Variants in SMARCC1 observed in about 807,000 individuals in gnomAD.
SMARCC1 encodes SWI/SNF complex subunit SMARCC1.
In SMARCC1, 43 loss-of-function variants were observed where a neutral mutation model predicts 147.4. The observed-to-expected ratio is 0.29, with a 90% CI of 0.23 to 0.38. SMARCC1 has a LOEUF of 0.38. SMARCC1 is among the 10% of genes least tolerant of loss of function. The pLI is 1.00. For synonymous variants in SMARCC1, 495 were observed against 484.4 expected (o/e 1.02, Z -0.29); for missense variants, 1,119 against 1,381.1 (o/e 0.81, Z 3.01).
At chr3:47,641,261 T>C (rs981937666) in intron 21 of SMARCC1, among the ~76,000 whole-genome samples, 1 of 152,082 alleles carries the variant, frequency 6.6e-6, no homozygotes, top group Non-Finnish European at 1.5e-5. Flanking sequence ...CCAAGATGGG[T>C]GAATCACTTG....
chr3:47,678,965 C>T (rs1167361728), intron 15 of SMARCC1, among the ~76,000 whole-genome samples: 5 of 152,046 alleles, frequency 3.3e-5, no homozygotes, highest in Non-Finnish European at 5.9e-5. Flanking sequence ...TAAGGGAGAT[C>T]ACGGCGGGGC....
At chr3:47,673,395 A>AGAGGGGGG (rs2033527541) in intron 18 of SMARCC1, among the ~76,000 whole-genome samples, 1 of 15,878 alleles carries the variant, frequency 6.3e-5, no homozygotes, top group African/African-American at 1.7e-4. Context: ...CAAAAAAAAA[A>AGAGGGGGG]GGGTGGGGGG....
At chr3:47,709,077 A>G (rs1043970539) in intron 9 of SMARCC1, among the ~76,000 whole-genome samples, 7 of 152,204 alleles carry the variant, frequency 4.6e-5, no homozygotes, top group African/African-American at 1.7e-4. Flanking sequence ...CCTGGCCAAC[A>G]TAGTGAAACT....
At chr3:47,752,106 A>T (rs1259906068) in intron 2 of SMARCC1, among the ~76,000 whole-genome samples, 3 of 152,016 alleles carry the variant, frequency 2.0e-5, no homozygotes, top group East Asian at 1.9e-4. Context: ...AACAACAACA[A>T]ACCTCTACAG....
At position 47,658,164 on chromosome 3, in the gene SMARCC1, T is replaced by C. The variant is rs1007109954; in HGVS notation, c.2320+3130A>G. Among the ~76,000 whole-genome samples the C allele has an allele frequency of 3.9e-5, 6 of 152,164 alleles. No homozygotes were observed. In the South Asian group the frequency reaches 1.2e-3, roughly 31 times the overall value. ...AAGAAAAGCAAGTGGATGAAATTACTATAATCAGTAATGAAAATGAGGACA... is the reference window on the plus strand; with the variant it reads ...AAGAAAAGCAAGTGGATGAAATTACCATAATCAGTAATGAAAATGAGGACA... On this transcript the variant is annotated intron_variant, in intron 21 of 27. Transcript: ENST00000254480.
At chr3:47,677,096 A>T (rs1187545488) in intron 16 of SMARCC1, among the ~76,000 whole-genome samples, 1 of 152,070 alleles carries the variant, frequency 6.6e-6, no homozygotes, top group Non-Finnish European at 1.5e-5. Context: ...TACACACATT[A>T]AAAAAATCCG....
intron 11 of SMARCC1, among the ~76,000 whole-genome samples, chr3:47,700,508 GTTGTT>G (rs1559648714): frequency 1.3e-5 from 2 of 151,994 alleles, no homozygotes; most frequent in African/African-American, 4.8e-5. Context: ...AACATTTTGG[GTTGTT>G]TTTTGTTTTT....
chr3:47,643,303 G>A (rs905630810), intron 21 of SMARCC1, among the ~76,000 whole-genome samples: 1 of 152,180 alleles, frequency 6.6e-6, no homozygotes, highest in Non-Finnish European at 1.5e-5. Flanking sequence ...ATGCATCTAA[G>A]GGAAATCCTG....
At chr3:47,618,481 G>C (rs1172126878) in intron 25 of SMARCC1, among the ~76,000 whole-genome samples, 1 of 151,852 alleles carries the variant, frequency 6.6e-6, no homozygotes, top group East Asian at 1.9e-4. Flanking sequence ...CCAGGAGTTT[G>C]TGGCTGCAGT....
At chr3:47,714,526 G>A in intron 7 of SMARCC1, 36 bp from the exon 8 acceptor site, 1 of 1,033,756 alleles carries the variant, frequency 9.7e-7, no homozygotes, top group Non-Finnish European at 1.5e-6. Context: ...ACAAATTAGA[G>A]TCAAAGGTAA....
intron 24 of SMARCC1, among the ~76,000 whole-genome samples, chr3:47,624,559 A>C (rs1030347695): frequency 1.3e-5 from 2 of 152,212 alleles, no homozygotes; most frequent in African/African-American, 4.8e-5. Flanking sequence ...CCTATATAGC[A>C]ATCTGTAACA....
chr3:47,730,945 A>G (rs1057204513), intron 5 of SMARCC1, among the ~76,000 whole-genome samples: 5 of 152,112 alleles, frequency 3.3e-5, no homozygotes, highest in African/African-American at 4.8e-5. Context: ...CACTGCCTCA[A>G]TGATGCTGGC....
chr3:47,771,840 G>T (rs948082460), intron 2 of SMARCC1, among the ~76,000 whole-genome samples: 2 of 151,768 alleles, frequency 1.3e-5, no homozygotes, highest in African/African-American at 4.8e-5. Flanking sequence ...CCGGCACTTT[G>T]GGAGGCCGAG....
At chr3:47,714,115 G>C (rs1227321850) in intron 8 of SMARCC1, among the ~76,000 whole-genome samples, 2 of 152,216 alleles carry the variant, frequency 1.3e-5, no homozygotes, top group Admixed American at 1.3e-4. Flanking sequence ...TGTAATCCCA[G>C]CACTTTGGGA....
At chr3:47,642,051 G>C (rs916171557) in intron 21 of SMARCC1, among the ~76,000 whole-genome samples, 1 of 152,186 alleles carries the variant, frequency 6.6e-6, no homozygotes, top group Non-Finnish European at 1.5e-5. Context: ...TGGGATTACA[G>C]ATGTGAGCTA....
At chr3:47,625,479 C>T (rs566405465) in intron 24 of SMARCC1, among the ~76,000 whole-genome samples, 1 of 152,118 alleles carries the variant, frequency 6.6e-6, no homozygotes, top group Admixed American at 6.5e-5. Context: ...AAATGATCTG[C>T]CTGTCTTGGC....
At chr3:47,739,426 T>C (rs1216403559) in intron 3 of SMARCC1, among the ~76,000 whole-genome samples, 7 of 152,186 alleles carry the variant, frequency 4.6e-5, no homozygotes, top group Non-Finnish European at 8.8e-5. Flanking sequence ...GCTCAGGGGA[T>C]ACTCCCACCT....
intron 18 of SMARCC1, among the ~76,000 whole-genome samples, chr3:47,673,613 G>A (rs903027221): frequency 3.3e-5 from 5 of 152,114 alleles, no homozygotes; most frequent in African/African-American, 4.8e-5. Context: ...CACTTGAACC[G>A]TGGAGGTGGA....
intron 2 of SMARCC1, among the ~76,000 whole-genome samples, chr3:47,755,442 A>G (rs529265329): frequency 6.7e-6 from 1 of 150,298 alleles, no homozygotes; most frequent in Admixed American, 6.7e-5. Flanking sequence ...GCTTGCAGTG[A>G]GCTGAGATCG....
Sources: gnomAD v4.1 joint callset for allele counts (sites outside exome capture counted in the v4.1 genomes callset) on GRCh38, gnomAD v4.1.1 for gene constraint, MANE v1.5 for transcripts, NCBI Gene and HGNC (gene_info 2026-07-23, HGNC 2026-07-21) for gene names.